ABLIM2: variants seen among roughly 807,000 people sequenced by gnomAD.
The protein encoded by ABLIM2 is actin-binding LIM protein 2.
ABLIM2 carries 53 observed loss-of-function variants against 97.7 expected under a neutral mutation model. The observed-to-expected ratio is 0.54, with a 90% CI of 0.44 to 0.68. The LOEUF is 0.68. Among genes scored for constraint, ABLIM2 ranks in the 30% least tolerant of loss-of-function variants. The probability of loss-of-function intolerance (pLI) is 0.00; values close to 1 mark genes in which losing one functional copy is unlikely to be tolerated. For missense variants in ABLIM2, 835 were observed against 867.2 expected (o/e 0.96, Z 0.47); for synonymous variants, 361 against 345.8 (o/e 1.04, Z -0.49).
chr4:8,017,713 G>C (rs1032705481), intron 14 of ABLIM2, among the ~76,000 whole-genome samples: 1 of 152,182 alleles, frequency 6.6e-6, no homozygotes, highest in Non-Finnish European at 1.5e-5. Context: ...CACAAAGATG[G>C]CCAGGTGCAG....
chr4:8,037,424 T>G (rs2151483577), intron 9 of ABLIM2, among the ~76,000 whole-genome samples: 1 of 152,044 alleles, frequency 6.6e-6, no homozygotes, highest in African/African-American at 2.4e-5. Context: ...TCTGAGACTG[T>G]GGAGGTATAG....
chr4:8,100,012 G>T (rs971276177), intron 2 of ABLIM2, among the ~76,000 whole-genome samples: 7 of 152,222 alleles, frequency 4.6e-5, no homozygotes, highest in African/African-American at 1.2e-4. Context: ...AGGAGGCAGG[G>T]CAGGTGGGGG....
rs936523384 is a variant in ABLIM2, at chr4:8,132,032, A to G, written c.11-25395T>C. Among the ~76,000 whole-genome samples the G allele has an allele frequency of 2.0e-5, 3 of 152,034 alleles. No individual in the cohort carries two copies. The highest frequency in any genetic ancestry group is 4.4e-5 in the Non-Finnish European group (3 of 68,018). ...CCGCATCCCCTGCACGGCAGCCTGC[A>G]TCCCCGAGCACAGCTGTGCCGGCCG... On this transcript the variant is annotated intron_variant, in intron 1 of 20. Transcript: ENST00000447017. This position sits in a 1 kb window ranked among gnomAD's most constrained non-coding sequence, Gnocchi z 8.0.
rs975790887 is a variant in ABLIM2, at chr4:8,113,711, A to G, written c.11-7074T>C. On this transcript the variant is annotated intron_variant, in intron 1 of 20. Coordinates refer to ENST00000447017, the MANE Select transcript of ABLIM2 (RefSeq NM_001130083.2). The surrounding 1 kb of genome is among the most constrained non-coding windows in gnomAD (Gnocchi z 4.5). ...AGAAAGCTCCCCGTCTGCTGTTTGT[A>G]TCATCCAAACGGCTGGCTTGGGGTT... Among the ~76,000 whole-genome samples the G allele has an allele frequency of 1.3e-5, 2 of 152,198 alleles. No homozygotes were observed. The highest frequency in any genetic ancestry group is 2.9e-5 in the Non-Finnish European group (2 of 68,044).
intron 1 of ABLIM2, among the ~76,000 whole-genome samples, chr4:8,114,782 C>T (rs1052772491): frequency 5.2e-5 from 6 of 114,976 alleles, no homozygotes; most frequent in East Asian, 3.2e-4. Flanking sequence ...AGCACCGGGC[C>T]GATGTTGGGC....
intron 1 of ABLIM2, among the ~76,000 whole-genome samples, chr4:8,157,323 C>A (rs563183895): frequency 1.5e-3 from 233 of 152,334 alleles, no homozygotes; most frequent in African/African-American, 5.3e-3. Context: ...GTGCACCCAG[C>A]CATTATCCCC....
At chr4:8,090,916 G>A (rs760840417) in intron 3 of ABLIM2, among the ~76,000 whole-genome samples, 9 of 152,028 alleles carry the variant, frequency 5.9e-5, no homozygotes, top group Non-Finnish European at 1.3e-4. Flanking sequence ...GTTTGGGACT[G>A]TTACAAATAA....
rs558732335 is a variant in ABLIM2, at chr4:8,001,086, G to A, written c.1618+6973C>T. 3.4e-4 allele frequency among the ~76,000 whole-genome samples: 52 copies of A among 152,280 alleles called. No individual in the cohort carries two copies. The highest frequency in any genetic ancestry group is 1.1e-3 in the African/African-American group (47 of 41,560). ...GGAGGCTGTGGCACTGCACAGGTTC[G>A]GGTCCCCTCTCTGAGCCTTGGTGTG... On this transcript the variant is annotated intron_variant, in intron 16 of 20. Coordinates refer to ENST00000447017, the MANE Select transcript of ABLIM2 (RefSeq NM_001130083.2). This position sits in a 1 kb window ranked among gnomAD's most constrained non-coding sequence, Gnocchi z 4.2.
chr4:8,145,561 G>A (rs1851657588), intron 1 of ABLIM2, among the ~76,000 whole-genome samples: 1 of 152,060 alleles, frequency 6.6e-6, no homozygotes. Flanking sequence ...TCCTGAGGTT[G>A]CCAGCACACC....
chr4:8,052,591 G>T (rs1202834938), intron 8 of ABLIM2, among the ~76,000 whole-genome samples: 4 of 152,244 alleles, frequency 2.6e-5, no homozygotes, highest in African/African-American at 9.6e-5. Context: ...AGAGCTGCTA[G>T]GAGAGCATCA....
At chr4:8,010,902 G>A (rs1764528761) in intron 14 of ABLIM2, among the ~76,000 whole-genome samples, 1 of 152,250 alleles carries the variant, frequency 6.6e-6, no homozygotes, top group South Asian at 2.1e-4. Flanking sequence ...CCAGGGAGAA[G>A]GCAGGCTAGG....
chr4:8,126,660 G>C (rs1848111127), intron 1 of ABLIM2, among the ~76,000 whole-genome samples: 1 of 152,052 alleles, frequency 6.6e-6, no homozygotes, highest in Admixed American at 6.6e-5. Context: ...AGGACACCGG[G>C]CCAGGCAGGT....
chr4:8,020,077 GTGGAGGAGCC>G, intron 13 of ABLIM2, 115 bp downstream of exon 13: 1 of 804,342 alleles, frequency 1.2e-6, no homozygotes, highest in South Asian at 1.8e-5. Flanking sequence ...CTGGGGAGCA[GTGGAGGAGCC>G]TGGAGTGTCG....
Position 8,022,013 on chromosome 4 carries a change from C to A in ABLIM2, c.1268-1710G>T, listed in dbSNP as rs1245094701. Among the ~76,000 whole-genome samples the A allele has an allele frequency of 6.6e-6, 1 of 152,172 alleles. No homozygotes were observed. The highest frequency in any genetic ancestry group is 2.4e-5 in the African/African-American group (1 of 41,436). On this transcript the variant is annotated intron_variant, in intron 12 of 20. Transcript: ENST00000447017. This position sits in a 1 kb window ranked among gnomAD's most constrained non-coding sequence, Gnocchi z 7.8. ...CTGCACCTCCTGGTGGCAGCAGGGGCCTCACAGCAGGGAGACTGGACTCAC... is the reference window on the plus strand; with the variant it reads ...CTGCACCTCCTGGTGGCAGCAGGGGACTCACAGCAGGGAGACTGGACTCAC...
intron 16 of ABLIM2, among the ~76,000 whole-genome samples, chr4:8,006,714 G>A (rs1472816400): frequency 6.6e-6 from 1 of 152,210 alleles, no homozygotes; most frequent in Non-Finnish European, 1.5e-5. Context: ...CCGAGAGAGA[G>A]GGACCGGAGG....
At chr4:8,049,850 C>G (rs1046508932) in intron 8 of ABLIM2, among the ~76,000 whole-genome samples, 1 of 152,204 alleles carries the variant, frequency 6.6e-6, no homozygotes, top group African/African-American at 2.4e-5. Context: ...GCCTCAGCCA[C>G]CTGAATAGAT....
intron 1 of ABLIM2, among the ~76,000 whole-genome samples, chr4:8,134,062 C>A (rs371514383): frequency 6.6e-6 from 1 of 152,102 alleles, no homozygotes; most frequent in Admixed American, 6.5e-5. Flanking sequence ...CACAGGCGGG[C>A]GGATGGGCCT....
chr4:7,982,518 C>A (rs1050875490), intron 20 of ABLIM2, among the ~76,000 whole-genome samples: 6 of 152,240 alleles, frequency 3.9e-5, no homozygotes, highest in Admixed American at 2.0e-4. Flanking sequence ...TAAGTCAGTT[C>A]TCTCAGTCAA....
In ABLIM2 at chr4:8,097,083, G is replaced by C. The variant is rs376732066; in HGVS notation, c.338+16C>G. 1 of 1,594,058 alleles carries C rather than the reference G, an allele frequency of 6.3e-7. No individual in the cohort carries two copies. The highest frequency in any genetic ancestry group is 1.1e-5 in the South Asian group (1 of 88,890). ...GAGAGGCAGGGGAAGCAGAGGCCAG[G>C]TGCCCACTTACTCACCGGCAGACGG... On this transcript the variant is annotated intron_variant, in intron 3 of 20. Coordinates refer to ENST00000447017, the MANE Select transcript of ABLIM2 (RefSeq NM_001130083.2).
Sources: gnomAD v4.1 joint callset for allele counts (sites outside exome capture counted in the v4.1 genomes callset) on GRCh38, gnomAD v4.1.1 for gene constraint, Gnocchi (gnomAD v3.1) non-coding constraint, MANE v1.5 for transcripts, NCBI Gene and HGNC (gene_info 2026-07-23, HGNC 2026-07-21) for gene names.